Variants in ABCA1 observed in about 807,000 individuals in gnomAD.
The protein encoded by ABCA1 is ATP binding cassette subfamily A member 1.
In ABCA1, 133 loss-of-function variants were observed where a neutral mutation model predicts 262.5. The ratio of observed to expected loss-of-function variants is 0.51; its 90% CI spans 0.44 to 0.59. The LOEUF is 0.59. Ranked by LOEUF, ABCA1 falls within the 20% of genes least tolerant of loss-of-function variation. The pLI is 0.00. For synonymous variants in ABCA1, 1,022 were observed against 1,043.5 expected (o/e 0.98, Z 0.40); for missense variants, 2,452 against 2,777.5 (o/e 0.88, Z 2.63).
chr9:104,836,238 C>T (rs757090646), intron 11 of ABCA1, among the ~76,000 whole-genome samples: 24 of 152,178 alleles, frequency 1.6e-4, no homozygotes, highest in Non-Finnish European at 3.1e-4. Context: ...AAAACCCAGC[C>T]GCCCTTAAAG....
At chr9:104,791,540 C>T (rs1426156342) in intron 43 of ABCA1, among the ~76,000 whole-genome samples, 6 of 152,114 alleles carry the variant, frequency 3.9e-5, no homozygotes, top group Admixed American at 3.9e-4. Context: ...AATTCTCCTG[C>T]CTCAGCCTCC....
rs1830078522 is a variant in ABCA1 at position 104,798,442 on chromosome 9, G to A, written c.5100C>T (p.Leu1700=). ...ISGVKPVIYW[L]SNFVWDMCNY... is the part of the protein sequence containing the mutation. ...TTACCATATCCCAGACAAAATTAGA[G>A]AGCCAGTAGATGACAGGCTTCACTC... The change falls in exon 37 of 50, where the codon CTC becomes CTT. Residue 1700 remains leucine (L), a synonymous_variant. Transcript: ENST00000374736. 7.4e-6 allele frequency: 12 copies of A among 1,614,146 alleles called. No homozygotes were observed. Among genetic ancestry groups the A allele is most frequent in the Non-Finnish European group, 1.0e-5 (12 of 1,180,026 alleles).
intron 37 of ABCA1, 55 bp from the exon 38 acceptor site, chr9:104,796,479 TCA>T: frequency 7.4e-7 from 1 of 1,360,380 alleles, no homozygotes; most frequent in Non-Finnish European, 1.0e-6. Flanking sequence ...ATACAATGCA[TCA>T]CACAAGTTTT....
At chr9:104,844,278 C>T (rs968956209) in intron 8 of ABCA1, among the ~76,000 whole-genome samples, 1 of 149,430 alleles carries the variant, frequency 6.7e-6, no homozygotes, top group African/African-American at 2.4e-5. Context: ...CCTGGAAGAA[C>T]CCCAGTTGGT....
intron 3 of ABCA1, among the ~76,000 whole-genome samples, chr9:104,885,371 T>C (rs1391113512): frequency 3.9e-5 from 6 of 152,142 alleles, no homozygotes; most frequent in Admixed American, 2.0e-4. Context: ...TGCGGTTAGA[T>C]TGGAATTTAG....
At chr9:104,920,298 G>GT (rs1187831042) in intron 1 of ABCA1, among the ~76,000 whole-genome samples, 5 of 151,996 alleles carry the variant, frequency 3.3e-5, no homozygotes, top group Non-Finnish European at 7.4e-5. Context: ...CCAAAATATA[G>GT]TAACCACTGA....
chr9:104,861,133 C>G (rs1007201468), intron 6 of ABCA1, among the ~76,000 whole-genome samples: 1 of 152,132 alleles, frequency 6.6e-6, no homozygotes, highest in Non-Finnish European at 1.5e-5. Flanking sequence ...TCTCACAGAG[C>G]TAAAATTGGA....
intron 5 of ABCA1, among the ~76,000 whole-genome samples, chr9:104,871,461 G>A (rs919786158): frequency 2.6e-5 from 4 of 152,200 alleles, no homozygotes; most frequent in Non-Finnish European, 5.9e-5. Flanking sequence ...CAAAGAGCCA[G>A]TGCAGCCCCA....
intron 30 of ABCA1, among the ~76,000 whole-genome samples, chr9:104,807,227 C>G (rs1037417553): frequency 1.3e-5 from 2 of 152,070 alleles, no homozygotes; most frequent in African/African-American, 4.8e-5. Flanking sequence ...AATTTATGTT[C>G]TCAAATGAGT....
In ABCA1 at chr9:104,806,421, G is replaced by C. The variant is rs763467216; in HGVS notation, c.4284C>G (p.Pro1428=). 3 of 1,614,076 alleles carry C rather than the reference G, an allele frequency of 1.9e-6. No individual in the cohort carries two copies. The highest frequency in any genetic ancestry group is 2.5e-6 in the Non-Finnish European group (3 of 1,180,060). Residue 1428 remains proline (P), a synonymous_variant, in exon 31 of 50, where the codon CCC becomes CCG. Coordinates refer to ENST00000374736, the MANE Select transcript of ABCA1 (RefSeq NM_005502.4). ...CMEGNPIPDT[P]CQAGEEEWTT... Reference sequence around the variant, plus strand: ...TCCACTCTTCCTCCCCTGCCTGGCAGGGCGTGTCTCTGCAAAGGGAAGACA... The same window carrying C: ...TCCACTCTTCCTCCCCTGCCTGGCACGGCGTGTCTCTGCAAAGGGAAGACA...
chr9:104,819,991 C>T lies in ABCA1; in HGVS notation c.3039G>A (p.Glu1013=). 9 of 1,614,116 alleles carry T rather than the reference C, an allele frequency of 5.6e-6. No homozygotes were observed. The highest frequency in any genetic ancestry group is 7.6e-6 in the Non-Finnish European group (9 of 1,180,032). The change falls in exon 21 of 50, where the codon GAG becomes GAA. Residue 1013 remains glutamate (E), a synonymous_variant. Transcript: ENST00000374736. ...LSEKHVKAEM[E]QMALDVGLPS... ...GCAAACCAACATCCAGGGCCATCTG[C>T]TCCATCTCCGCCTTCACGTGCTTCT...
chr9:104,816,094 A>C, intron 25 of ABCA1, 49 bp downstream of exon 25: 1 of 1,597,032 alleles, frequency 6.3e-7, no homozygotes, highest in Non-Finnish European at 8.6e-7. Flanking sequence ...GTCTGGCCTT[A>C]GGACATTTGG....
intron 1 of ABCA1, among the ~76,000 whole-genome samples, chr9:104,908,803 G>C (rs1406581689): frequency 1.3e-5 from 2 of 152,202 alleles, no homozygotes; most frequent in Non-Finnish European, 2.9e-5. Flanking sequence ...CATACTGCAT[G>C]ATTCCATTTA....
chr9:104,901,081 G>A (rs1379804820), intron 2 of ABCA1, among the ~76,000 whole-genome samples: 1 of 152,182 alleles, frequency 6.6e-6, no homozygotes, highest in Non-Finnish European at 1.5e-5. Flanking sequence ...GTGGAGTCTG[G>A]CCCAATTTGA....
chr9:104,792,106 G>A, intron 42 of ABCA1, 108 bp from the exon 43 acceptor site: 1 of 992,160 alleles, frequency 1.0e-6, no homozygotes, highest in East Asian at 2.6e-5. Context: ...CATAAGACTT[G>A]TCAATAACCC....
At chr9:104,858,939 C>T (rs577679353) in intron 6 of ABCA1, among the ~76,000 whole-genome samples, 1 of 152,346 alleles carries the variant, frequency 6.6e-6, no homozygotes, top group South Asian at 2.1e-4. Flanking sequence ...ATCTCCCACA[C>T]TCTTGTCCCT....
rs147131831 is a variant in ABCA1 at position 104,795,750 on chromosome 9, G to A, written c.5382+303C>T. ...GGTAAAAGCCTTAGGACTGAATGGC[G>A]TCGCCCAGCTCTCATGTGTAAAGTG... On this transcript the variant is annotated intron_variant, in intron 39 of 49. Transcript: ENST00000374736. Among the ~76,000 whole-genome samples the A allele has an allele frequency of 1.4e-3, 208 of 152,240 alleles. 1 individual carries two copies. The highest frequency in any genetic ancestry group is 4.8e-3 in the African/African-American group (199 of 41,536).
chr9:104,814,320 T>C (rs1831537904), intron 26 of ABCA1, 89 bp from the exon 27 acceptor site: 2 of 1,560,168 alleles, frequency 1.3e-6, no homozygotes, highest in Non-Finnish European at 8.8e-7. Context: ...ACTCTACAAA[T>C]GAGAATGCAA....
At chr9:104,837,967 A>G (rs1306873309) in intron 9 of ABCA1, among the ~76,000 whole-genome samples, 1 of 152,196 alleles carries the variant, frequency 6.6e-6, no homozygotes, top group Non-Finnish European at 1.5e-5. Context: ...AACATGACCA[A>G]CATTTAAACT....
Sources: gnomAD v4.1 joint callset for allele counts (sites outside exome capture counted in the v4.1 genomes callset) on GRCh38, gnomAD v4.1.1 for gene constraint, MANE v1.5 for transcripts, NCBI Gene and HGNC (gene_info 2026-07-23, HGNC 2026-07-21) for gene names.